The following PRKAB2 variants were observed in gnomAD, a reference collection of about 807,000 sequenced individuals.
PRKAB2 encodes protein kinase AMP-activated non-catalytic subunit beta 2.
PRKAB2 carries 18 observed loss-of-function variants against 29.8 expected under a neutral mutation model. The ratio of observed to expected loss-of-function variants is 0.60; its 90% CI spans 0.42 to 0.89. PRKAB2 has a LOEUF of 0.89. Ranked by LOEUF, PRKAB2 falls within the 40% of genes least tolerant of loss-of-function variation. PRKAB2 has a pLI of 0.00. For synonymous variants in PRKAB2, 136 were observed against 125.9 expected, an observed-to-expected ratio of 1.08 and a Z score of -0.54; for missense variants, 270 against 344.3, an observed-to-expected ratio of 0.78 and a Z score of 1.71.
At chr1:147,171,877 CA>C in intron 2 of PRKAB2, 111 bp downstream of exon 2, 9 of 1,390,102 alleles carry the variant, frequency 6.5e-6, no homozygotes, top group Non-Finnish European at 7.8e-6. Flanking sequence ...CCCTTTAATT[CA>C]AAAAACCATA....
In PRKAB2 at chr1:147,166,944, A is replaced by G; in HGVS notation, c.324-5T>C. The G allele has an allele frequency of 6.2e-7, 1 of 1,610,770 alleles. No homozygotes were observed. Among genetic ancestry groups the G allele is most frequent in the South Asian group, 1.1e-5 (1 of 90,842 alleles). ...ATGGCAACAAAGTCATTATGGCTAC[A>G]GAAGAAAAAAGAAAGGCAAACAGGC... On this transcript the variant is annotated splice_polypyrimidine_tract_variant and splice_region_variant and intron_variant, in intron 3 of 7. Coordinates refer to ENST00000254101, the MANE Select transcript of PRKAB2 (RefSeq NM_005399.5).
At chr1:147,171,625 G>A (rs184154328) in intron 2 of PRKAB2, among the ~76,000 whole-genome samples, 10 of 152,232 alleles carry the variant, frequency 6.6e-5, no homozygotes, top group Admixed American at 3.9e-4. Context: ...TCAGCAACTC[G>A]TGCAACCTAC....
rs1389380869 is a variant in PRKAB2, at chr1:147,157,063, TA to T, written c.*2501del. The stretch of plus-strand genomic sequence containing the variant: ...CTCTGTAAAATTCCCAAAAGCAAAA[TA>T]AAGGCTAAAAAAATTTTTTTTGCCT... On this transcript the variant is annotated 3_prime_UTR_variant, in exon 8 of 8. Transcript: ENST00000254101. 1 of 152,088 alleles carries T rather than the reference TA, an allele frequency of 6.6e-6. No homozygotes were observed. The highest frequency in any genetic ancestry group is 6.5e-5 in the Admixed American group (1 of 15,268). The allele number at this position is 152,088 out of a possible 1,614,324, so 9.4% of individuals were successfully genotyped here.
intron 7 of PRKAB2, among the ~76,000 whole-genome samples, chr1:147,161,434 CT>C (rs1553913050): frequency 6.6e-6 from 1 of 152,006 alleles, no homozygotes; most frequent in African/African-American, 2.4e-5. Context: ...TGAACACAAA[CT>C]TAAGTAAACA....
chr1:147,159,746 T>C, intron 7 of PRKAB2, 104 bp from the exon 8 acceptor site: 2 of 1,009,846 alleles, frequency 2.0e-6, no homozygotes, highest in Non-Finnish European at 3.0e-6. Context: ...ACAGAGATAG[T>C]TTGATATAAG....
Position 147,171,983 on chromosome 1 carries a change from G to T in PRKAB2, c.156+6C>A, listed in dbSNP as rs1196656704. ...CTGACACCAACTGCGGGCATGGGAC[G>T]CTTACCTTGGAGTCAGGGAGGCTGA... is the stretch of plus-strand genomic sequence containing the variant. On this transcript the variant is annotated splice_donor_region_variant and intron_variant, in intron 2 of 7. Transcript: ENST00000254101. 1.9e-6 allele frequency: 3 copies of T among 1,599,082 alleles called. No homozygotes were observed. The highest frequency in any genetic ancestry group is 1.3e-5 in the African/African-American group (1 of 74,500).
chr1:147,168,620 C>T (rs1553913973), intron 2 of PRKAB2, among the ~76,000 whole-genome samples: 1 of 152,170 alleles, frequency 6.6e-6, no homozygotes, highest in African/African-American at 2.4e-5. Flanking sequence ...ATCAAAAATA[C>T]AATTTCCTTT....
intron 2 of PRKAB2, among the ~76,000 whole-genome samples, chr1:147,171,736 T>G (rs587654771): frequency 1.3e-5 from 2 of 152,256 alleles, no homozygotes; most frequent in South Asian, 2.1e-4. Context: ...GGATGTCTAT[T>G]GTCCCCATCC....
intron 1 of PRKAB2, 39 bp downstream of exon 1, chr1:147,172,390 C>CCCCGCGCTCACTGCCAGGGGCG (rs1553914599): frequency 6.9e-5 from 39 of 567,420 alleles, no homozygotes; most frequent in Non-Finnish European, 1.1e-4. Flanking sequence ...TCCCCCGCGT[C>CCCCGCGCTCACTGCCAGGGGCG]CCCGCGCTCA....
chr1:147,163,936 G>C (rs1553913390), intron 5 of PRKAB2, among the ~76,000 whole-genome samples: 1 of 152,016 alleles, frequency 6.6e-6, no homozygotes, highest in Non-Finnish European at 1.5e-5. Context: ...TTATTTAAAT[G>C]TTATTGTTTC....
chr1:147,161,868 T>C, intron 6 of PRKAB2, 88 bp from the exon 7 acceptor site: 1 of 1,084,830 alleles, frequency 9.2e-7, no homozygotes, highest in Non-Finnish European at 1.3e-6. Flanking sequence ...TCCTCAGAGC[T>C]CTTTGAGAAA....
At chr1:147,164,392 G>A (rs587745887) in intron 5 of PRKAB2, among the ~76,000 whole-genome samples, 1 of 152,050 alleles carries the variant, frequency 6.6e-6, no homozygotes, top group African/African-American at 2.4e-5. Context: ...GCCCTGACTC[G>A]ATCATTACAC....
At position 147,157,602 on chromosome 1, in the gene PRKAB2, T is replaced by C. The variant is rs1553912585; in HGVS notation, c.*1963A>G. ...ATTTCAATACTGTTGACAAGAAATATAACAAACTTCATGTAATAACCAAGA... is the reference window on the plus strand; with the variant it reads ...ATTTCAATACTGTTGACAAGAAATACAACAAACTTCATGTAATAACCAAGA... On this transcript the variant is annotated 3_prime_UTR_variant, in exon 8 of 8. Coordinates refer to ENST00000254101, the MANE Select transcript of PRKAB2 (RefSeq NM_005399.5). The C allele has an allele frequency of 6.6e-6, 1 of 152,162 alleles. No homozygotes were observed. Among genetic ancestry groups the C allele is most frequent in the African/African-American group, 2.4e-5 (1 of 41,436 alleles). 9.4% of individuals were successfully genotyped at this position (152,162 alleles called of 1,614,324 possible).
intron 5 of PRKAB2, among the ~76,000 whole-genome samples, chr1:147,164,262 G>A (rs1654122674): frequency 6.6e-6 from 1 of 152,102 alleles, no homozygotes; most frequent in African/African-American, 2.4e-5. Flanking sequence ...CCAGTGTTCC[G>A]TTGCACAGTA....
chr1:147,166,991 A>G, intron 3 of PRKAB2, 52 bp from the exon 4 acceptor site: 1 of 1,430,566 alleles, frequency 7.0e-7, no homozygotes, highest in Non-Finnish European at 9.8e-7. Flanking sequence ...TAGAAGACTG[A>G]ATCTAAAAAA....
At position 147,162,450 on chromosome 1, in the gene PRKAB2, G is replaced by A. The variant is rs782578573; in HGVS notation, c.662C>T (p.Thr221Ile). The change falls in exon 6 of 8, where the codon ACT becomes ATT. Residue 221 changes from threonine to isoleucine, a missense_variant. Thr to Ile is a moderately conservative substitution (Grantham distance 89). Around this residue, in one of 2 missense-constraint regions of PRKAB2, gnomAD observed 42 missense variants for 88.8 expected, o/e 0.47. Transcript: ENST00000254101. ...ACTCAGGATACTCACAGAAATATTA[G>A]TGTCTTTGTTAAGAATAACTTGAAG... The part of the protein sequence containing the change: ...HLLQVILNKD[T>I]NISCDPALLP... 4 of 1,612,316 alleles carry A rather than the reference G, an allele frequency of 2.5e-6. No homozygotes were observed. The highest frequency in any genetic ancestry group is 2.2e-5 in the South Asian group (2 of 90,912).
At chr1:147,168,295 AG>A (rs1260545570) in intron 2 of PRKAB2, among the ~76,000 whole-genome samples, 3 of 152,162 alleles carry the variant, frequency 2.0e-5, no homozygotes, top group Non-Finnish European at 4.4e-5. Context: ...CTTTCTTCAG[AG>A]GAAAAAAAAA....
At chr1:147,160,639 G>A (rs932207795) in intron 7 of PRKAB2, among the ~76,000 whole-genome samples, 2 of 152,048 alleles carry the variant, frequency 1.3e-5, no homozygotes, top group Non-Finnish European at 1.5e-5. Context: ...AAGCAAGGCA[G>A]GTAAACAATT....
At chr1:147,162,596 T>G in intron 5 of PRKAB2, 23 bp from the exon 6 acceptor site, 1 of 1,586,130 alleles carries the variant, frequency 6.3e-7, no homozygotes, top group Non-Finnish European at 8.6e-7. Flanking sequence ...TATACAAATA[T>G]GAGAAAGAGT....
Sources: gnomAD v4.1 joint callset for allele counts (sites outside exome capture counted in the v4.1 genomes callset) on GRCh38, gnomAD v4.1.1 for gene constraint, gnomAD v4.1.1 regional missense constraint, MANE v1.5 for transcripts, NCBI Gene and HGNC (gene_info 2026-07-23, HGNC 2026-07-21) for gene names.